CYP2A13: variants seen among roughly 807,000 people sequenced by gnomAD.
The protein encoded by CYP2A13 is cytochrome P450 2A13.
A neutral mutation model predicts 39.4 loss-of-function variants in CYP2A13; 30 were observed. The observed-to-expected ratio is 0.76, with a 90% CI of 0.57 to 1.03. CYP2A13 has a LOEUF of 1.03. CYP2A13 is among the 50% of genes least tolerant of loss of function. The probability of loss-of-function intolerance (pLI) is 0.00; values close to 1 mark genes in which losing one functional copy is unlikely to be tolerated. For missense variants in CYP2A13, 731 were observed against 648.4 expected, an observed-to-expected ratio of 1.13 and a Z score of -1.38; for synonymous variants, 269 against 254.7, an observed-to-expected ratio of 1.06 and a Z score of -0.54.
chr19:41,088,745 C>T, intron 1 of CYP2A13, 94 bp downstream of exon 1: 6 of 1,548,396 alleles, frequency 3.9e-6, no homozygotes, highest in Non-Finnish European at 5.2e-6. Flanking sequence ...GGACCAGAGT[C>T]TTAGGAAAGG....
rs554398265 is a variant in CYP2A13, at chr19:41,094,516, G to A, written c.1161+84G>A. On this transcript the variant is annotated intron_variant, in intron 7 of 8. Coordinates refer to ENST00000330436, the MANE Select transcript of CYP2A13 (RefSeq NM_000766.5). ...TGTCCCCAGAATCCTGCCCCCATTA[G>A]TGTTCTAGACTCTGTCCCACTCCCT... 1.7e-4 allele frequency: 260 copies of A among 1,515,198 alleles called. 3 individuals are homozygous for A. The South Asian group carries it at 2.8e-3, about 16-fold the overall frequency. The allele number at this position is 1,515,198 out of a possible 1,614,324, so 93.9% of individuals were successfully genotyped here. A position where few individuals can be genotyped will look rare whatever the true frequency, so the allele number is the denominator to read the frequency against.
At chr19:41,092,141 C>G (rs943568488) in intron 5 of CYP2A13, among the ~76,000 whole-genome samples, 22 of 151,878 alleles carry the variant, frequency 1.4e-4, no homozygotes, top group Admixed American at 5.9e-4. Context: ...CATGGTGAAA[C>G]CCCGTCTCTA....
At chr19:41,092,507 A>G (rs2031215285) in intron 5 of CYP2A13, among the ~76,000 whole-genome samples, 1 of 152,236 alleles carries the variant, frequency 6.6e-6, no homozygotes, top group South Asian at 2.1e-4. Context: ...TGGAACACTT[A>G]TAACAGCTCT....
chr19:41,090,599 C>A (rs1367222572), intron 4 of CYP2A13, 35 bp downstream of exon 4: 1 of 1,613,568 alleles, frequency 6.2e-7, no homozygotes. Flanking sequence ...ACGCCCCTAC[C>A]ACAACCTGCC....
chr19:41,088,874 G>A lies in CYP2A13; in HGVS notation c.181-55G>A. 1.9e-6 allele frequency: 3 copies of A among 1,605,986 alleles called. No individual in the cohort carries two copies. In the South Asian group the frequency reaches 3.3e-5, roughly 18 times the overall value. ...CCCAGTACATGATATCTCAGTGCTG[G>A]GCCCATTCAGAGTGGGGGCTGCTCC... On this transcript the variant is annotated intron_variant, in intron 1 of 8. Coordinates refer to ENST00000330436, the MANE Select transcript of CYP2A13 (RefSeq NM_000766.5).
Position 41,096,031 on chromosome 19 carries a change from A to C in CYP2A13, c.*90A>C. The C allele has an allele frequency of 2.3e-5, 12 of 525,238 alleles. No homozygotes were observed. Among genetic ancestry groups the C allele is most frequent in the East Asian group, 1.2e-4 (2 of 16,714 alleles). 32.5% of individuals were successfully genotyped at this position (525,238 alleles called of 1,614,324 possible). A position where few individuals can be genotyped will look rare whatever the true frequency, so the allele number is the denominator to read the frequency against. ...GCTTGTGGGAGGGGCGGGGCTAAGA[A>C]TGGGGGCAGTGGGGGAAGGAAGGGG... On this transcript the variant is annotated 3_prime_UTR_variant, in exon 9 of 9. Transcript: ENST00000330436.
chr19:41,094,227 A>G lies in CYP2A13; in HGVS notation c.974-18A>G, dbSNP rs1387146801. On this transcript the variant is annotated intron_variant, in intron 6 of 8. Transcript: ENST00000330436. ...CTAAGACCCCTAGACACCTAAACAC[A>G]TTCCCCTCCTCCCCCAGCCAAGGTC... 3 of 1,613,340 alleles carry G rather than the reference A, an allele frequency of 1.9e-6. No individual in the cohort carries two copies. The highest frequency in any genetic ancestry group is 2.5e-6 in the Non-Finnish European group (3 of 1,179,524).
At position 41,095,977 on chromosome 19, in the gene CYP2A13, G is replaced by C; in HGVS notation, c.*36G>C. On this transcript the variant is annotated 3_prime_UTR_variant, in exon 9 of 9. Transcript: ENST00000330436. ...TGCTGGTGCAGGGCTGGTGGGCGGG[G>C]CCAGGGAAACGGCCGGGGCAGGGGC... The C allele has an allele frequency of 7.4e-7, 1 of 1,357,528 alleles. No individual in the cohort carries two copies. The highest frequency in any genetic ancestry group is 9.9e-7 in the Non-Finnish European group (1 of 1,012,570). 84.1% of individuals were successfully genotyped at this position (1,357,528 alleles called of 1,614,324 possible).
intron 7 of CYP2A13, 117 bp from the exon 8 acceptor site, chr19:41,094,842 C>A: frequency 2.5e-6 from 3 of 1,198,198 alleles, no homozygotes; most frequent in Non-Finnish European, 1.2e-6. Context: ...GTCCCCAACT[C>A]CTCCATGCCT....
intron 4 of CYP2A13, among the ~76,000 whole-genome samples, chr19:41,091,502 G>A (rs1292739169): frequency 6.6e-6 from 1 of 152,148 alleles, no homozygotes; most frequent in African/African-American, 2.4e-5. Context: ...CCTGAAACCT[G>A]GATATATGCC....
At position 41,094,436 on chromosome 19, in the gene CYP2A13, C is replaced by T. The variant is rs775623796; in HGVS notation, c.1161+4C>T. On this transcript the variant is annotated splice_donor_region_variant and intron_variant, in intron 7 of 8. Coordinates refer to ENST00000330436, the MANE Select transcript of CYP2A13 (RefSeq NM_000766.5). ...TCGGGATTTCTTCCTCCCTAAGGTG[C>T]TGTCTCCCCTCCACCACCACCACTC... 6.2e-7 allele frequency: 1 copy of T among 1,614,038 alleles called. No individual in the cohort carries two copies. Among genetic ancestry groups the T allele is most frequent in the South Asian group, 1.1e-5 (1 of 91,076 alleles).
intron 5 of CYP2A13, 58 bp from the exon 6 acceptor site, chr19:41,093,572 T>A: frequency 6.2e-7 from 1 of 1,608,040 alleles, no homozygotes; most frequent in Non-Finnish European, 8.5e-7. Flanking sequence ...GGAAAAGCCC[T>A]AGAAGGGCCC....
rs1236990871 is a variant in CYP2A13, at chr19:41,096,189, T to A, written c.*248T>A. 1.7e-6 allele frequency: 1 copy of A among 600,478 alleles called. No homozygotes were observed. The highest frequency in any genetic ancestry group is 2.9e-6 in the Non-Finnish European group (1 of 344,630). The allele number at this position is 600,478 out of a possible 1,614,324, so 37.2% of individuals were successfully genotyped here. On this transcript the variant is annotated 3_prime_UTR_variant, in exon 9 of 9. Transcript: ENST00000330436. ...AGTAGTAATAATAGCAGCTCTTATT[T>A]CCTGAACAAGTACCTCCGTGTCAGC...
chr19:41,090,958 G>GTGC (rs2031176712), intron 4 of CYP2A13, among the ~76,000 whole-genome samples: 1 of 152,088 alleles, frequency 6.6e-6, no homozygotes, highest in Admixed American at 6.5e-5. Flanking sequence ...TGAACACCTG[G>GTGC]TGCTGCAAAA....
intron 5 of CYP2A13, 127 bp from the exon 6 acceptor site, chr19:41,093,503 G>C: frequency 1.7e-6 from 2 of 1,176,090 alleles, no homozygotes; most frequent in Non-Finnish European, 2.4e-6. Flanking sequence ...GAGCGAGTTT[G>C]GCAAATCTAG....
intron 2 of CYP2A13, among the ~76,000 whole-genome samples, chr19:41,089,757 G>GT (rs887178992): frequency 9.1e-5 from 13 of 143,512 alleles, no homozygotes; most frequent in Non-Finnish European, 1.8e-4. Flanking sequence ...GCATCTGTCT[G>GT]TCTGGCCTTT....
intron 5 of CYP2A13, 117 bp downstream of exon 5, chr19:41,092,025 T>C: frequency 6.8e-7 from 1 of 1,469,742 alleles, no homozygotes; most frequent in East Asian, 2.4e-5. Flanking sequence ...ATAATAATCC[T>C]TACAATTGGC....
rs764806309 is a variant in CYP2A13 at position 41,091,898 on chromosome 19, G to A, written c.821G>A (p.Arg274His). The change falls in exon 5 of 9, where the codon CGC becomes CAC. Residue 274 changes from arginine (R) to histidine (H), a missense_variant. Transcript: ENST00000330436. ...PRDFIDSFLIRMQEEEKNPNT... is the reference protein window; with the variant it reads ...PRDFIDSFLIHMQEEEKNPNT... ...GACTTCATCGACTCCTTTCTCATCC[G>A]CATGCAGGAGGTACATCCCAGCAGC... 1.2e-5 allele frequency: 19 copies of A among 1,613,984 alleles called. 1 individual carries two copies. The highest frequency in any genetic ancestry group is 1.6e-5 in the Non-Finnish European group (19 of 1,179,984).
Position 41,093,784 on chromosome 19 carries a change from A to T in CYP2A13, c.973+13A>T. On this transcript the variant is annotated intron_variant, in intron 6 of 8. Coordinates refer to ENST00000330436, the MANE Select transcript of CYP2A13 (RefSeq NM_000766.5). Reference sequence around the variant, plus strand: ...CCAGAGGTGGAGGGTAAGACTGGAAAGGGAGGAAAGTGAAGGGCCCCAGAC... The same window carrying T: ...CCAGAGGTGGAGGGTAAGACTGGAATGGGAGGAAAGTGAAGGGCCCCAGAC... 6.2e-7 allele frequency: 1 copy of T among 1,613,548 alleles called. No homozygotes were observed. The highest frequency in any genetic ancestry group is 8.5e-7 in the Non-Finnish European group (1 of 1,179,682).
Sources: allele counts gnomAD v4.1 joint callset (sites outside exome capture counted in the v4.1 genomes callset), GRCh38; gene constraint gnomAD v4.1.1; transcripts MANE v1.5; gene names NCBI Gene and HGNC (gene_info 2026-07-23, HGNC 2026-07-21).